Variants in VPS72 observed in about 807,000 individuals in gnomAD.
VPS72 encodes vacuolar protein sorting 72 homolog, also known as vacuolar protein sorting-associated protein 72 homolog.
In VPS72, 27 loss-of-function variants were observed where a neutral mutation model predicts 38.9. That is an observed-to-expected ratio of 0.69 (90% CI 0.51 to 0.96). The LOEUF (loss-of-function observed/expected upper bound fraction) is 0.96. Among genes scored for constraint, VPS72 ranks in the 40% least tolerant of loss-of-function variants. The pLI, the probability that VPS72 is intolerant of heterozygous loss-of-function variation, is 0.00. For missense variants in VPS72, 360 were observed against 479.5 expected, an observed-to-expected ratio of 0.75 and a Z score of 2.33; for synonymous variants, 173 against 186.3, an observed-to-expected ratio of 0.93 and a Z score of 0.58.
chr1:151,189,790 C>T (rs1363742879), intron 1 of VPS72, among the ~76,000 whole-genome samples: 2 of 152,122 alleles, frequency 1.3e-5, no homozygotes, highest in Admixed American at 1.3e-4. Context: ...TTCTCCGTCT[C>T]AGGCCCCTTT....
chr1:151,189,501 G>A (rs1684416923), intron 1 of VPS72, among the ~76,000 whole-genome samples: 2 of 152,170 alleles, frequency 1.3e-5, no homozygotes, highest in Admixed American at 1.3e-4. Flanking sequence ...CACTTGTTAG[G>A]ATAGTCAAGG....
chr1:151,182,366 AT>A (rs1464066544), intron 4 of VPS72, among the ~76,000 whole-genome samples: 1 of 152,024 alleles, frequency 6.6e-6, no homozygotes, highest in African/African-American at 2.4e-5. Context: ...TCTGAAGCCA[AT>A]TCCTCCACCA....
Position 151,177,049 on chromosome 1 carries a change from G to A in VPS72, c.708-18C>T. On this transcript the variant is annotated intron_variant, in intron 5 of 5. Coordinates refer to ENST00000368892, the MANE Select transcript of VPS72 (RefSeq NM_005997.3). Reference sequence around the variant, plus strand: ...GATCAAGTCTGAGGACAAAAGACAAGGAAAAACACAAAGAGCTGAGGAGAG... The same window carrying A: ...GATCAAGTCTGAGGACAAAAGACAAAGAAAAACACAAAGAGCTGAGGAGAG... The A allele has an allele frequency of 6.5e-7, 1 of 1,529,016 alleles. No individual in the cohort carries two copies. The allele number at this position is 1,529,016 out of a possible 1,614,324, so 94.7% of individuals were successfully genotyped here. A position where few individuals can be genotyped will look rare whatever the true frequency, so the allele number is the denominator to read the frequency against.
chr1:151,186,939 C>A (rs1684364347), intron 1 of VPS72, among the ~76,000 whole-genome samples: 1 of 152,182 alleles, frequency 6.6e-6, no homozygotes, highest in East Asian at 1.9e-4. Flanking sequence ...CCTTATTTTC[C>A]CTACCATTGA....
At chr1:151,189,780 T>G (rs1260986974) in intron 1 of VPS72, among the ~76,000 whole-genome samples, 1 of 152,068 alleles carries the variant, frequency 6.6e-6, no homozygotes, top group Non-Finnish European at 1.5e-5. Context: ...TCCGGAGAGC[T>G]TCTCCGTCTC....
Position 151,190,128 on chromosome 1 carries a change from T to C in VPS72, c.-7A>G, listed in dbSNP as rs1684434677. The C allele has an allele frequency of 1.2e-6, 2 of 1,612,288 alleles. No homozygotes were observed. The highest frequency in any genetic ancestry group is 1.7e-5 in the Admixed American group (1 of 59,972). On this transcript the variant is annotated 5_prime_UTR_variant, in exon 1 of 6. Transcript: ENST00000368892. ...GGCCCCCAGCCAAACTCATACCGCCTACCGAGACTGCGCCGCCACCTGCAG... is the reference window on the plus strand; with the variant it reads ...GGCCCCCAGCCAAACTCATACCGCCCACCGAGACTGCGCCGCCACCTGCAG...
At chr1:151,185,408 G>T in intron 3 of VPS72, 98 bp downstream of exon 3, 1 of 1,221,840 alleles carries the variant, frequency 8.2e-7, no homozygotes, top group Non-Finnish European at 1.2e-6. Context: ...TTCTAGGAGT[G>T]AGCCACCGCA....
At chr1:151,184,182 A>G (rs1572094457) in intron 4 of VPS72, 135 bp downstream of exon 4, 2 of 1,188,180 alleles carry the variant, frequency 1.7e-6, no homozygotes, top group East Asian at 2.4e-5. Flanking sequence ...CTAATTACCT[A>G]CTCTCCGCCA....
chr1:151,180,887 T>C (rs1050602355), intron 4 of VPS72, among the ~76,000 whole-genome samples: 2 of 152,182 alleles, frequency 1.3e-5, no homozygotes, highest in Non-Finnish European at 2.9e-5. Flanking sequence ...CCACCACTCC[T>C]CTCTGCAGAC....
Position 151,176,582 on chromosome 1 carries a change from A to C in VPS72, c.*62T>G. Reference sequence around the variant, plus strand: ...GACAAAGGGGAGAAGCAGGGAGAAGAAACGGAACAGCAAGAGCCCCAATCA... The same window carrying C: ...GACAAAGGGGAGAAGCAGGGAGAAGCAACGGAACAGCAAGAGCCCCAATCA... On this transcript the variant is annotated 3_prime_UTR_variant, in exon 6 of 6. Transcript: ENST00000368892. The C allele has an allele frequency of 3.2e-6, 5 of 1,565,720 alleles. No individual in the cohort carries two copies. The highest frequency in any genetic ancestry group is 4.3e-6 in the Non-Finnish European group (5 of 1,156,800).
At chr1:151,181,367 C>G (rs960319417) in intron 4 of VPS72, among the ~76,000 whole-genome samples, 1 of 151,892 alleles carries the variant, frequency 6.6e-6, no homozygotes, top group Non-Finnish European at 1.5e-5. Context: ...TCTCAGCCCC[C>G]CGAGTAGCCA....
At chr1:151,180,188 T>G (rs1684209178) in intron 4 of VPS72, among the ~76,000 whole-genome samples, 1 of 150,092 alleles carries the variant, frequency 6.7e-6, no homozygotes, top group African/African-American at 2.4e-5. Context: ...GCGTGGTGGC[T>G]TGCACCTGTA....
chr1:151,179,767 C>A (rs1362785759), intron 4 of VPS72, among the ~76,000 whole-genome samples: 2 of 151,846 alleles, frequency 1.3e-5, no homozygotes, highest in South Asian at 2.1e-4. Flanking sequence ...TGGTGTATGC[C>A]TATAATCCCA....
intron 4 of VPS72, among the ~76,000 whole-genome samples, chr1:151,183,004 G>A (rs1053137951): frequency 6.6e-6 from 1 of 152,086 alleles, no homozygotes; most frequent in Admixed American, 6.6e-5. Context: ...ATATTTAACT[G>A]ACCTCTCATC....
chr1:151,178,095 G>A lies in VPS72; in HGVS notation c.613C>T (p.Arg205Trp), dbSNP rs371510036. The A allele has an allele frequency of 1.5e-4, 237 of 1,613,950 alleles. No homozygotes were observed. The highest frequency in any genetic ancestry group is 1.8e-4 in the Non-Finnish European group (216 of 1,180,032). The change falls in exon 5 of 6, where the codon CGG becomes TGG. Residue 205 changes from arginine to tryptophan, a missense_variant. Coordinates refer to ENST00000368892, the MANE Select transcript of VPS72 (RefSeq NM_005997.3). ...GTGATTATGGGCCCGGGGCACTTCC[G>A]CTTCTTATGAACCTGCTTCTTTTTA... ...ADKKKQVHKK[R>W]KCPGPIITYH...
Position 151,176,706 on chromosome 1 carries a change from G to A in VPS72, c.1033C>T (p.Pro345Ser). The A allele has an allele frequency of 6.2e-7, 1 of 1,614,194 alleles. No individual in the cohort carries two copies. Among genetic ancestry groups the A allele is most frequent in the Non-Finnish European group, 8.5e-7 (1 of 1,180,030 alleles). The change falls in exon 6 of 6, where the codon CCT becomes TCT. Residue 345 changes from proline (P) to serine (S), a missense_variant. Coordinates refer to ENST00000368892, the MANE Select transcript of VPS72 (RefSeq NM_005997.3). ...CCAGAGCCAGGGAGGGGCTCAGGAGGTGGCGGGCCGGGGCCCAGGGCTGAG... is the reference window on the plus strand; with the variant it reads ...CCAGAGCCAGGGAGGGGCTCAGGAGATGGCGGGCCGGGGCCCAGGGCTGAG... Reference protein sequence around the residue: ...TASALGPGPPPPEPLPGSGPR... With the variant: ...TASALGPGPPSPEPLPGSGPR...
rs746155895 is a variant in VPS72, at chr1:151,176,604, A to G, written c.*40T>C. The G allele has an allele frequency of 7.5e-6, 12 of 1,595,946 alleles. No homozygotes were observed. Among genetic ancestry groups the G allele is most frequent in the Non-Finnish European group, 9.4e-6 (11 of 1,170,108 alleles). ...AAGAAACGGAACAGCAAGAGCCCCAATCAGGGCAGGAAAGAAGTTTCTGAG... is the reference window on the plus strand; with the variant it reads ...AAGAAACGGAACAGCAAGAGCCCCAGTCAGGGCAGGAAAGAAGTTTCTGAG... On this transcript the variant is annotated 3_prime_UTR_variant, in exon 6 of 6. Transcript: ENST00000368892.
In VPS72 at chr1:151,176,585, C is replaced by A. The variant is rs587762727; in HGVS notation, c.*59G>T. The A allele has an allele frequency of 3.2e-6, 5 of 1,566,088 alleles. No homozygotes were observed. The East Asian group carries it at 1.1e-4, about 35-fold the overall frequency. On this transcript the variant is annotated 3_prime_UTR_variant, in exon 6 of 6. Coordinates refer to ENST00000368892, the MANE Select transcript of VPS72 (RefSeq NM_005997.3). Reference sequence around the variant, plus strand: ...AAAGGGGAGAAGCAGGGAGAAGAAACGGAACAGCAAGAGCCCCAATCAGGG... The same window carrying A: ...AAAGGGGAGAAGCAGGGAGAAGAAAAGGAACAGCAAGAGCCCCAATCAGGG...
In VPS72 at chr1:151,176,389, G is replaced by A. The variant is rs935700996; in HGVS notation, c.*255C>T. 6 of 502,188 alleles carry A rather than the reference G, an allele frequency of 1.2e-5. No individual in the cohort carries two copies. Among genetic ancestry groups the A allele is most frequent in the Admixed American group, 7.4e-5 (2 of 26,934 alleles). The allele number at this position is 502,188 out of a possible 1,614,324, so 31.1% of individuals were successfully genotyped here. On this transcript the variant is annotated 3_prime_UTR_variant, in exon 6 of 6. Transcript: ENST00000368892. ...AGGACAGCTCATAATAAATGCTATC[G>A]AATAAAGACCCAAATATATGCAGGT...
Sources: gnomAD v4.1 joint callset for allele counts (sites outside exome capture counted in the v4.1 genomes callset) on GRCh38, gnomAD v4.1.1 for gene constraint, MANE v1.5 for transcripts, NCBI Gene and HGNC (gene_info 2026-07-23, HGNC 2026-07-21) for gene names.